Variants in KCNIP3 observed in about 807,000 individuals in gnomAD.
KCNIP3 encodes the protein potassium voltage-gated channel interacting protein 3.
A neutral mutation model predicts 35.0 loss-of-function variants in KCNIP3; 28 were observed. That is an observed-to-expected ratio of 0.80 (90% CI 0.59 to 1.10). The LOEUF is 1.10. KCNIP3 is among the 50% of genes least tolerant of loss of function. The pLI is 0.00. For synonymous variants in KCNIP3, 134 were observed against 133.8 expected (o/e 1.00, Z -0.01); for missense variants, 295 against 338.4 (o/e 0.87, Z 1.01).
intron 2 of KCNIP3, among the ~76,000 whole-genome samples, chr2:95,325,818 CATACACAT>C (rs1433205319): frequency 6.7e-6 from 1 of 149,092 alleles, no homozygotes; most frequent in African/African-American, 2.5e-5. Context: ...CTCATACACA[CATACACAT>C]ACACTCATAC....
intron 2 of KCNIP3, chr2:95,311,978 A>G (rs1198811148): frequency 6.6e-6 from 1 of 152,258 alleles, no homozygotes; most frequent in African/African-American, 2.4e-5. Flanking sequence ...TTCATTCTGC[A>G]TCAGAATGAA....
chr2:95,303,834 G>GT (rs1270739643), intron 1 of KCNIP3, among the ~76,000 whole-genome samples: 2 of 152,220 alleles, frequency 1.3e-5, no homozygotes, highest in African/African-American at 4.8e-5. Flanking sequence ...GAGACATGAT[G>GT]CAAGCCACAG....
At chr2:95,375,289 G>A in intron 5 of KCNIP3, 81 bp downstream of exon 5, 8 of 1,288,356 alleles carry the variant, frequency 6.2e-6, no homozygotes, top group Non-Finnish European at 9.0e-6. Flanking sequence ...CACTGTCAGG[G>A]CTGTCGAGAG....
At chr2:95,345,338 G>A (rs1455127391) in intron 2 of KCNIP3, among the ~76,000 whole-genome samples, 1 of 152,222 alleles carries the variant, frequency 6.6e-6, no homozygotes, top group Non-Finnish European at 1.5e-5. Flanking sequence ...GAAAGCCCAC[G>A]GGGGGAGCCC....
chr2:95,317,139 C>T (rs1573485420), intron 2 of KCNIP3, among the ~76,000 whole-genome samples: 1 of 152,302 alleles, frequency 6.6e-6, no homozygotes, highest in East Asian at 1.9e-4. Flanking sequence ...ACCTATGCCC[C>T]CGTCCTACTC....
chr2:95,340,011 A>G (rs73957760), intron 2 of KCNIP3, among the ~76,000 whole-genome samples: 76 of 152,242 alleles, frequency 5.0e-4, no homozygotes, highest in African/African-American at 1.6e-3. Flanking sequence ...AAGAGAAGAG[A>G]GAACAAGTAG....
At chr2:95,317,324 GACGCCCACCCCATCCCC>G (rs887651214) in intron 2 of KCNIP3, among the ~76,000 whole-genome samples, 1 of 152,218 alleles carries the variant, frequency 6.6e-6, no homozygotes, top group African/African-American at 2.4e-5. Flanking sequence ...GCTCAGGAGT[GACGCCCACCCCATCCCC>G]ACGCCTCCCA....
In KCNIP3 at chr2:95,383,988, C is replaced by A; in HGVS notation, c.724-14C>A. The A allele has an allele frequency of 1.9e-6, 3 of 1,613,558 alleles. No individual in the cohort carries two copies. The highest frequency in any genetic ancestry group is 2.5e-6 in the Non-Finnish European group (3 of 1,179,600). The stretch of plus-strand genomic sequence containing the variant: ...ACCCAGCACCTGAAGGCCTCCCTTC[C>A]TCTCTCCATGCAGGATGAGAACATC... On this transcript the variant is annotated splice_polypyrimidine_tract_variant and intron_variant, in intron 8 of 8. Transcript: ENST00000295225.
Position 95,381,586 on chromosome 2 carries a change from T to G in KCNIP3, c.448-10T>G, listed in dbSNP as rs764247848. The G allele has an allele frequency of 1.2e-6, 2 of 1,603,178 alleles. No individual in the cohort carries two copies. The highest frequency in any genetic ancestry group is 3.3e-5 in the Admixed American group (2 of 59,968). On this transcript the variant is annotated splice_polypyrimidine_tract_variant and intron_variant, in intron 5 of 8. Transcript: ENST00000295225. The stretch of plus-strand genomic sequence containing the variant: ...TGGATGTCACGCCCCACACTCTCCT[T>G]TCCCCATAGGACTTTGTGGTTGGCC...
At chr2:95,297,534 A>T in intron 1 of KCNIP3, 81 bp downstream of exon 1, 1 of 1,150,344 alleles carries the variant, frequency 8.7e-7, no homozygotes, top group Non-Finnish European at 1.2e-6. Context: ...GCTCTGGACC[A>T]GGAAGCCTTT....
At chr2:95,312,726 A>C (rs1003727978) in intron 2 of KCNIP3, 39 of 151,844 alleles carry the variant, frequency 2.6e-4, no homozygotes, top group African/African-American at 9.4e-4. Context: ...TGGCACAAGA[A>C]GCGGGGGTTG....
chr2:95,347,585 G>A (rs1679409245), intron 2 of KCNIP3, among the ~76,000 whole-genome samples: 3 of 152,204 alleles, frequency 2.0e-5, no homozygotes, highest in Non-Finnish European at 2.9e-5. Flanking sequence ...CCCTCCCCAA[G>A]CAAGGTTCAA....
In KCNIP3 at chr2:95,338,191, C is replaced by T. The variant is rs558982329; in HGVS notation, c.181+27671C>T. Among the ~76,000 whole-genome samples the T allele has an allele frequency of 1.2e-3, 177 of 152,300 alleles. 1 individual carries two copies. In the Middle Eastern group the frequency reaches 0.017, roughly 15 times the overall value. On this transcript the variant is annotated intron_variant, in intron 2 of 8. Coordinates refer to ENST00000295225, the MANE Select transcript of KCNIP3 (RefSeq NM_013434.5). ...CACTGCCTTCAGGCTGAGTTCAAAC[C>T]GCAGCTCTGCCTCTCACCAGCTGTG... is the stretch of plus-strand genomic sequence containing the variant.
At chr2:95,330,085 G>A (rs532939776) in intron 2 of KCNIP3, among the ~76,000 whole-genome samples, 1 of 152,346 alleles carries the variant, frequency 6.6e-6, no homozygotes, top group Admixed American at 6.5e-5. Context: ...AGCTGCCGCA[G>A]CAGAAGTGAG....
rs1461198657 is a variant in KCNIP3 at position 95,382,341 on chromosome 2, G to A, written c.556-36G>A. 2.8e-6 allele frequency: 4 copies of A among 1,454,112 alleles called. No individual in the cohort carries two copies. The South Asian group carries it at 5.3e-5, about 19-fold the overall frequency. The allele number at this position is 1,454,112 out of a possible 1,614,324, so 90.1% of individuals were successfully genotyped here. On this transcript the variant is annotated intron_variant, in intron 6 of 8. Coordinates refer to ENST00000295225, the MANE Select transcript of KCNIP3 (RefSeq NM_013434.5). This position sits in a 1 kb window ranked among gnomAD's most constrained non-coding sequence, Gnocchi z 4.5. ...CCTTTGGGCCCTCACAGCCACCCCG[G>A]CCTTGCAGCAGGCTCATGCCAGCCT... is the stretch of plus-strand genomic sequence containing the variant.
At chr2:95,306,718 C>T (rs1226020258) in intron 1 of KCNIP3, among the ~76,000 whole-genome samples, 1 of 152,098 alleles carries the variant, frequency 6.6e-6, no homozygotes, top group Non-Finnish European at 1.5e-5. Context: ...GGGCTCCCGG[C>T]AGGGTTGGGG....
rs1331541039 is a variant in KCNIP3 at position 95,384,469 on chromosome 2, G to C, written c.*420G>C. On this transcript the variant is annotated 3_prime_UTR_variant, in exon 9 of 9. Coordinates refer to ENST00000295225, the MANE Select transcript of KCNIP3 (RefSeq NM_013434.5). ...CTCCATTCTGCTTTCTTGCCACACAGTGGGCCGGCCCCAGGCTCCCCTGGT... is the reference window on the plus strand; with the variant it reads ...CTCCATTCTGCTTTCTTGCCACACACTGGGCCGGCCCCAGGCTCCCCTGGT... 9.8e-6 allele frequency: 2 copies of C among 204,908 alleles called. No individual in the cohort carries two copies. The highest frequency in any genetic ancestry group is 2.0e-5 in the Non-Finnish European group (2 of 100,958). 12.7% of individuals were successfully genotyped at this position (204,908 alleles called of 1,614,324 possible). A position where few individuals can be genotyped will look rare whatever the true frequency, so the allele number is the denominator to read the frequency against.
At chr2:95,323,141 A>C (rs1458735445) in intron 2 of KCNIP3, among the ~76,000 whole-genome samples, 2 of 152,144 alleles carry the variant, frequency 1.3e-5, no homozygotes, top group Non-Finnish European at 2.9e-5. Flanking sequence ...GAAGGACGTG[A>C]TGACTGGCGA....
chr2:95,305,662 C>T (rs1678148184), intron 1 of KCNIP3, among the ~76,000 whole-genome samples: 2 of 152,204 alleles, frequency 1.3e-5, no homozygotes, highest in African/African-American at 4.8e-5. Context: ...GCCTGCCTCC[C>T]CCCATCCTTA....
Sources: gnomAD v4.1 joint callset for allele counts (sites outside exome capture counted in the v4.1 genomes callset) on GRCh38, gnomAD v4.1.1 for gene constraint, Gnocchi (gnomAD v3.1) non-coding constraint, MANE v1.5 for transcripts, NCBI Gene and HGNC (gene_info 2026-07-23, HGNC 2026-07-21) for gene names.